Variants in ZNF385D observed in about 807,000 individuals in gnomAD.
ZNF385D encodes zinc finger protein 385D, also known as zinc finger protein 659.
ZNF385D carries 15 observed loss-of-function variants against 35.8 expected under a neutral mutation model. That is an observed-to-expected ratio of 0.42 (90% confidence interval 0.28 to 0.64). The LOEUF (loss-of-function observed/expected upper bound fraction) is 0.64. ZNF385D is among the 30% of genes least tolerant of loss of function. ZNF385D has a pLI of 0.23. For synonymous variants in ZNF385D, 212 were observed against 186.8 expected (o/e 1.13, Z -1.10); for missense variants, 474 against 494.6 (o/e 0.96, Z 0.39).
intron 3 of ZNF385D, among the ~76,000 whole-genome samples, chr3:21,965,364 T>C (rs900429008): frequency 6.6e-6 from 1 of 152,138 alleles, no homozygotes; most frequent in Non-Finnish European, 1.5e-5. Flanking sequence ...ACAGTACTAA[T>C]GATGGGGAAA....
chr3:21,964,661 T>G (rs1264768144), intron 3 of ZNF385D, among the ~76,000 whole-genome samples: 1 of 151,638 alleles, frequency 6.6e-6, no homozygotes, highest in Non-Finnish European at 1.5e-5. Flanking sequence ...TGCTAATTTT[T>G]TTGTATTTTT....
intron 4 of ZNF385D, among the ~76,000 whole-genome samples, chr3:21,498,714 C>T (rs1029628921): frequency 4.6e-5 from 7 of 151,956 alleles, no homozygotes; most frequent in Non-Finnish European, 7.4e-5. Context: ...GAGGCCAAGG[C>T]AGGTGGATCA....
In ZNF385D at chr3:22,120,014, G is replaced by T. The variant is rs543084108; in HGVS notation, c.325+48803C>A. On this transcript the variant is annotated intron_variant, in intron 3 of 5. Coordinates refer to the ZNF385D transcript ENST00000494108. ...TTTTTTCTTTTTTTTTTTTTTGGTA[G>T]AAACAGGATCTCACTATCTTGACCA... is the stretch of plus-strand genomic sequence containing the variant. Among the ~76,000 whole-genome samples, 19 of 142,424 alleles carry T rather than the reference G, an allele frequency of 1.3e-4. No homozygotes were observed. In the East Asian group the frequency reaches 3.5e-3, roughly 26 times the overall value. 93.4% of individuals were successfully genotyped at this position (142,424 alleles called of 152,430 possible).
intron 3 of ZNF385D, among the ~76,000 whole-genome samples, chr3:21,555,594 T>G (rs1348135371): frequency 6.6e-6 from 1 of 152,232 alleles, no homozygotes; most frequent in Non-Finnish European, 1.5e-5. Flanking sequence ...GTGCCACATT[T>G]TCTTTAACCA....
At chr3:22,041,330 C>A (rs902389296) in intron 3 of ZNF385D, among the ~76,000 whole-genome samples, 1 of 152,050 alleles carries the variant, frequency 6.6e-6, no homozygotes, top group Non-Finnish European at 1.5e-5. Context: ...GGCAAGGATC[C>A]CATGCCCACC....
chr3:22,283,185 A>G (rs1701853347), intron 2 of ZNF385D, among the ~76,000 whole-genome samples: 1 of 152,084 alleles, frequency 6.6e-6, no homozygotes. Flanking sequence ...AATCTACAAC[A>G]ATTACTACTA....
At chr3:21,830,118 T>C (rs1694894187) in intron 3 of ZNF385D, among the ~76,000 whole-genome samples, 1 of 137,250 alleles carries the variant, frequency 7.3e-6, no homozygotes, top group Non-Finnish European at 1.6e-5. Flanking sequence ...AGTGACACTC[T>C]GTCAAAAAAA....
intron 3 of ZNF385D, among the ~76,000 whole-genome samples, chr3:22,126,093 C>A (rs958695630): frequency 1.3e-5 from 2 of 151,884 alleles, no homozygotes; most frequent in African/African-American, 4.8e-5. Context: ...TCCTTGTATA[C>A]CCAGGTTTTT....
chr3:22,141,335 A>C (rs916376403), intron 3 of ZNF385D, among the ~76,000 whole-genome samples: 1 of 152,236 alleles, frequency 6.6e-6, no homozygotes, highest in African/African-American at 2.4e-5. Context: ...TCCTGAAATC[A>C]TCTTATAAAT....
intron 2 of ZNF385D, among the ~76,000 whole-genome samples, chr3:22,196,219 A>G (rs1411334642): frequency 6.6e-6 from 1 of 152,100 alleles, no homozygotes. Context: ...AATAGGTGGA[A>G]AACAGTTACA....
intron 2 of ZNF385D, among the ~76,000 whole-genome samples, chr3:21,574,163 C>T (rs1232719415): frequency 6.6e-6 from 1 of 151,810 alleles, no homozygotes; most frequent in African/African-American, 2.4e-5. Context: ...AACTAGGCAT[C>T]AAGTATCTCC....
At chr3:22,254,545 A>G (rs2125333555) in intron 2 of ZNF385D, among the ~76,000 whole-genome samples, 1 of 151,978 alleles carries the variant, frequency 6.6e-6, no homozygotes, top group East Asian at 1.9e-4. Flanking sequence ...ATACACAAAT[A>G]GATTTCATTT....
chr3:22,131,323 G>C (rs1440942655), intron 3 of ZNF385D, among the ~76,000 whole-genome samples: 2 of 151,830 alleles, frequency 1.3e-5, no homozygotes, highest in Non-Finnish European at 2.9e-5. Context: ...AAAAAGAAGA[G>C]TTTCAGTGAA....
intron 3 of ZNF385D, among the ~76,000 whole-genome samples, chr3:21,960,392 C>T (rs9879603): frequency 0.69 from 104,432 of 151,918 alleles, 37,024 homozygotes; most frequent in Non-Finnish European, 0.77. Flanking sequence ...TGAAATATCA[C>T]CTCACCCCAG....
chr3:21,641,751 C>T (rs1049842446), intron 2 of ZNF385D, among the ~76,000 whole-genome samples: 1 of 150,378 alleles, frequency 6.6e-6, no homozygotes, highest in East Asian at 2.0e-4. Context: ...GCTGTTGATA[C>T]AGGAGAGACA....
intron 3 of ZNF385D, among the ~76,000 whole-genome samples, chr3:22,141,676 AG>A (rs1333090604): frequency 1.3e-5 from 2 of 152,148 alleles, no homozygotes; most frequent in Non-Finnish European, 2.9e-5. Flanking sequence ...GGGGAGGAGG[AG>A]GAGGAGGGTA....
chr3:22,275,964 A>G (rs775316191), intron 2 of ZNF385D, among the ~76,000 whole-genome samples: 7 of 152,056 alleles, frequency 4.6e-5, no homozygotes, highest in Non-Finnish European at 8.8e-5. Flanking sequence ...GTGTGCCTGT[A>G]ATCCCAGCTA....
chr3:21,608,396 T>TA (rs1432257882), intron 2 of ZNF385D, among the ~76,000 whole-genome samples: 1 of 152,198 alleles, frequency 6.6e-6, no homozygotes, highest in Non-Finnish European at 1.5e-5. Flanking sequence ...AGCATTAAGG[T>TA]AGTATCAGAT....
chr3:21,822,691 T>TA (rs1293956864), intron 3 of ZNF385D, among the ~76,000 whole-genome samples: 1 of 152,150 alleles, frequency 6.6e-6, no homozygotes, highest in Non-Finnish European at 1.5e-5. Flanking sequence ...AATGCATAGT[T>TA]ACAGTATACC....
Sources: gnomAD v4.1 joint callset for allele counts (sites outside exome capture counted in the v4.1 genomes callset) on GRCh38, gnomAD v4.1.1 for gene constraint, MANE v1.5 for transcripts, NCBI Gene and HGNC (gene_info 2026-07-23, HGNC 2026-07-21) for gene names.